Variants in ALDH3B2 observed in about 807,000 individuals in gnomAD.
The protein encoded by ALDH3B2 is aldehyde dehydrogenase 3 family member B2.
In ALDH3B2, 45 loss-of-function variants were observed where a neutral mutation model predicts 36.7. The observed-to-expected ratio is 1.23, with a 90% confidence interval of 0.97 to 1.57. The LOEUF is 1.57. Among genes scored for constraint, ALDH3B2 ranks in the 40% most tolerant of loss-of-function variants. The pLI, the probability that ALDH3B2 is intolerant of heterozygous loss-of-function variation, is 0.00. For synonymous variants in ALDH3B2, 217 were observed against 226.5 expected, an observed-to-expected ratio of 0.96 and a Z score of 0.38; for missense variants, 464 against 513.3, an observed-to-expected ratio of 0.90 and a Z score of 0.93.
At chr11:67,669,335 A>AGTGTCTGTGTGTCTATGG (rs1565248534) in intron 1 of ALDH3B2, among the ~76,000 whole-genome samples, 1 of 116,496 alleles carries the variant, frequency 8.6e-6, no homozygotes, top group Non-Finnish European at 1.8e-5. Context: ...TGTATGTATC[A>AGTGTCTGTGTGTCTATGG]GTGTCTGTGT....
intron 1 of ALDH3B2, among the ~76,000 whole-genome samples, chr11:67,673,216 A>C (rs1591148705): frequency 3.3e-5 from 5 of 152,168 alleles, no homozygotes; most frequent in Admixed American, 3.3e-4. Context: ...AGGCAAAATA[A>C]ACTTTATAAA....
chr11:67,664,888 C>T (rs1176065363), intron 7 of ALDH3B2, among the ~76,000 whole-genome samples: 4 of 152,204 alleles, frequency 2.6e-5, no homozygotes, highest in African/African-American at 7.2e-5. Context: ...GCTGCAGTGT[C>T]CCATGAGCTG....
chr11:67,665,313 G>T (rs1855866902), exon 7 of ALDH3B2: 1 of 1,610,566 alleles, frequency 6.2e-7, no homozygotes, highest in Non-Finnish European at 8.5e-7. Flanking sequence ...CGTTGCTCTG[G>T]CCCCCAATGG....
At chr11:67,676,063 T>C (rs1049735293), upstream of ALDH3B2, among the ~76,000 whole-genome samples, 8 of 152,108 alleles carry the variant, frequency 5.3e-5, no homozygotes, top group African/African-American at 1.7e-4. Flanking sequence ...CTGGCCAACA[T>C]GGTGAAACCC....
intron 1 of ALDH3B2, among the ~76,000 whole-genome samples, chr11:67,672,101 T>TA (rs1565250127): frequency 5.4e-5 from 1 of 18,686 alleles, no homozygotes; most frequent in African/African-American, 1.1e-4. Context: ...ATGTATGTAT[T>TA]TTGTGTGTGT....
chr11:67,666,319 G>C, exon 5 of ALDH3B2: 1 of 1,608,086 alleles, frequency 6.2e-7, no homozygotes, highest in East Asian at 2.2e-5. Flanking sequence ...CCCTCACCTG[G>C]TCCAGGTACT....
chr11:67,673,166 G>A (rs1438157756), intron 1 of ALDH3B2, among the ~76,000 whole-genome samples: 8 of 151,834 alleles, frequency 5.3e-5, no homozygotes, highest in Non-Finnish European at 1.0e-4. Flanking sequence ...TCCTGACATC[G>A]TGATCCGCCC....
chr11:67,667,098 G>T (rs1855943085), intron 2 of ALDH3B2, 82 bp from the exon 3 acceptor site: 1 of 739,128 alleles, frequency 1.4e-6, no homozygotes, highest in Admixed American at 2.2e-5. Flanking sequence ...GCACACGCAG[G>T]CACCACCACC....
At chr11:67,666,444 C>T in intron 4 of ALDH3B2, 43 bp from the exon 5 acceptor site, 1 of 1,605,710 alleles carries the variant, frequency 6.2e-7, no homozygotes, top group Non-Finnish European at 8.5e-7. Context: ...GCCCAGGGTC[C>T]CCATGCCCAA....
At chr11:67,671,820 G>A (rs1247889164) in intron 1 of ALDH3B2, among the ~76,000 whole-genome samples, 1 of 150,968 alleles carries the variant, frequency 6.6e-6, no homozygotes, top group Admixed American at 6.6e-5. Context: ...TGGGATTACA[G>A]GCATGAGCCA....
chr11:67,678,145 G>A (rs150672577), upstream of ALDH3B2, among the ~76,000 whole-genome samples: 531 of 152,194 alleles, frequency 3.5e-3, 5 homozygotes, highest in African/African-American at 0.012. Flanking sequence ...CCAAAAAAGA[G>A]CCCGCACAGC....
chr11:67,678,687 A>C (rs554455048), upstream of ALDH3B2, among the ~76,000 whole-genome samples: 4 of 123,556 alleles, frequency 3.2e-5, no homozygotes, highest in African/African-American at 1.1e-4. Context: ...ACTATGGTGT[A>C]TATATACACA....
At chr11:67,665,292 G>T in exon 7 of ALDH3B2, 2 of 1,605,892 alleles carry the variant, frequency 1.2e-6, no homozygotes, top group South Asian at 2.2e-5. Context: ...CACCGATGTA[G>T]CGATCGCTCT....
upstream of ALDH3B2, among the ~76,000 whole-genome samples, chr11:67,675,710 A>T (rs1856254549): frequency 6.6e-6 from 1 of 152,214 alleles, no homozygotes; most frequent in Non-Finnish European, 1.5e-5. Flanking sequence ...GGACCTCGGG[A>T]TGGGGAAGGG....
At chr11:67,663,851 C>T (rs1170681495) in intron 8 of ALDH3B2, 90 bp from the exon 9 acceptor site, 6 of 1,035,512 alleles carry the variant, frequency 5.8e-6, no homozygotes, top group Non-Finnish European at 8.4e-6. Flanking sequence ...TGAGCCTCAT[C>T]CTCACCTGCC....
At chr11:67,677,422 C>T (rs1856291703), upstream of ALDH3B2, among the ~76,000 whole-genome samples, 1 of 152,078 alleles carries the variant, frequency 6.6e-6, no homozygotes, top group African/African-American at 2.4e-5. Flanking sequence ...GATTAAAACC[C>T]TCAGCAAAAT....
chr11:67,676,388 T>A (rs2134162015), upstream of ALDH3B2, among the ~76,000 whole-genome samples: 1 of 152,068 alleles, frequency 6.6e-6, no homozygotes, highest in Admixed American at 6.5e-5. Flanking sequence ...AAGATGGAAA[T>A]TAAAAAATTC....
At chr11:67,673,945 A>G (rs1856203629) in intron 1 of ALDH3B2, among the ~76,000 whole-genome samples, 1 of 152,178 alleles carries the variant, frequency 6.6e-6, no homozygotes, top group African/African-American at 2.4e-5. Flanking sequence ...TATTTCTAGA[A>G]CCAGAAACAA....
chr11:67,676,765 G>A (rs1296985229), upstream of ALDH3B2, among the ~76,000 whole-genome samples: 1 of 152,030 alleles, frequency 6.6e-6, no homozygotes, highest in Non-Finnish European at 1.5e-5. Context: ...AATGAAACAG[G>A]AGATATTACA....
Sources: allele counts gnomAD v4.1 joint callset (sites outside exome capture counted in the v4.1 genomes callset), GRCh38; gene constraint gnomAD v4.1.1; transcripts MANE v1.5; gene names NCBI Gene and HGNC (gene_info 2026-07-23, HGNC 2026-07-21).